MYO5B: variants seen among roughly 807,000 people sequenced by gnomAD.
MYO5B encodes the protein unconventional myosin-Vb.
MYO5B carries 143 observed loss-of-function variants against 229.3 expected under a neutral mutation model. The ratio of observed to expected loss-of-function variants is 0.62; its 90% confidence interval spans 0.54 to 0.72. The LOEUF is 0.72. Ranked by LOEUF, MYO5B falls within the 30% of genes least tolerant of loss-of-function variation. The pLI is 0.00. For synonymous variants in MYO5B, 918 were observed against 885.2 expected (o/e 1.04, Z -0.66); for missense variants, 2,321 against 2,331.0 (o/e 1.00, Z 0.09).
At position 50,125,131 on chromosome 18, in the gene MYO5B, C is replaced by T. The variant is rs147332204; in HGVS notation, c.27+69636G>A. Among the ~76,000 whole-genome samples, 15 of 152,220 alleles carry T rather than the reference C, an allele frequency of 9.9e-5. No homozygotes were observed. In the South Asian group the frequency reaches 2.1e-3, roughly 21 times the overall value. On this transcript the variant is annotated intron_variant, in intron 1 of 39. Coordinates refer to ENST00000285039, the MANE Select transcript of MYO5B (RefSeq NM_001080467.3). The stretch of plus-strand genomic sequence containing the variant: ...GCCATTTGAATGGTATTGAACAGAG[C>T]GCAAACCTACCTTTACAGCTTCTCT...
At chr18:50,114,088 T>G (rs529479246) in intron 1 of MYO5B, among the ~76,000 whole-genome samples, 2 of 152,320 alleles carry the variant, frequency 1.3e-5, no homozygotes, top group South Asian at 4.1e-4. Context: ...GTTAGATTAT[T>G]TCCTTTGGCT....
intron 16 of MYO5B, among the ~76,000 whole-genome samples, chr18:49,931,556 A>G (rs1347485678): frequency 6.6e-6 from 1 of 152,198 alleles, no homozygotes; most frequent in Non-Finnish European, 1.5e-5. Flanking sequence ...AGGGCCTTAC[A>G]GGACAGCAGG....
intron 2 of MYO5B, among the ~76,000 whole-genome samples, chr18:50,042,287 G>A (rs1019563010): frequency 6.6e-6 from 1 of 152,014 alleles, no homozygotes; most frequent in Non-Finnish European, 1.5e-5. Context: ...GCTACCTACA[G>A]CATTCTTCTG....
At chr18:49,849,725 C>T in intron 31 of MYO5B, 65 bp from the exon 32 acceptor site, 6 of 1,345,392 alleles carry the variant, frequency 4.5e-6, no homozygotes, top group Non-Finnish European at 6.4e-6. Context: ...GGGGTAAAAT[C>T]CTGCTTGCAG....
chr18:50,039,833 G>T (rs568579243), intron 3 of MYO5B, among the ~76,000 whole-genome samples: 17 of 152,188 alleles, frequency 1.1e-4, no homozygotes, highest in African/African-American at 3.4e-4. Flanking sequence ...CTGAGAGCAG[G>T]CGCCCAGCTC....
chr18:50,074,430 G>A (rs1442680880), intron 1 of MYO5B, among the ~76,000 whole-genome samples: 1 of 152,140 alleles, frequency 6.6e-6, no homozygotes, highest in African/African-American at 2.4e-5. Context: ...TCACTTCCCT[G>A]CTTAAAATCT....
intron 34 of MYO5B, 115 bp from the exon 35 acceptor site, chr18:49,841,569 G>C: frequency 4.1e-6 from 4 of 982,244 alleles, no homozygotes; most frequent in Non-Finnish European, 6.4e-6. Flanking sequence ...GAGCAGCCCT[G>C]AGGCTGGGCA....
At chr18:50,001,213 G>A (rs754274820) in intron 5 of MYO5B, 42 bp downstream of exon 5, 7 of 1,613,610 alleles carry the variant, frequency 4.3e-6, no homozygotes, top group Non-Finnish European at 5.9e-6. Context: ...GCCAGTGGGA[G>A]GAGCTCCAGC....
At chr18:50,100,787 C>T (rs917984390) in intron 1 of MYO5B, among the ~76,000 whole-genome samples, 2 of 152,180 alleles carry the variant, frequency 1.3e-5, no homozygotes, top group Admixed American at 6.5e-5. Context: ...CTTGTCTTTG[C>T]TTTGCAAGGA....
chr18:49,897,710 A>T (rs1219814284), intron 21 of MYO5B, among the ~76,000 whole-genome samples: 1 of 152,250 alleles, frequency 6.6e-6, no homozygotes, highest in Non-Finnish European at 1.5e-5. Context: ...TAAAGTAAAA[A>T]TATTACAGTA....
At chr18:49,833,927 G>A (rs751391544) in intron 39 of MYO5B, among the ~76,000 whole-genome samples, 2 of 152,068 alleles carry the variant, frequency 1.3e-5, no homozygotes, top group Admixed American at 6.5e-5. Flanking sequence ...CCCATTCTGC[G>A]GCCTGTGTCT....
intron 5 of MYO5B, 150 bp from the exon 6 acceptor site, chr18:49,992,581 T>C: frequency 2.5e-6 from 3 of 1,192,886 alleles, no homozygotes; most frequent in East Asian, 2.5e-5. Context: ...AGCTAAAGAA[T>C]AAAACAAAAA....
At chr18:50,017,732 T>A (rs939726661) in intron 4 of MYO5B, among the ~76,000 whole-genome samples, 1 of 152,206 alleles carries the variant, frequency 6.6e-6, no homozygotes, top group African/African-American at 2.4e-5. Context: ...TTTGAGCCCA[T>A]CAAAATCTAA....
intron 1 of MYO5B, among the ~76,000 whole-genome samples, chr18:50,109,361 C>A (rs1455129795): frequency 6.6e-6 from 1 of 151,962 alleles, no homozygotes; most frequent in Non-Finnish European, 1.5e-5. Flanking sequence ...TTCAGAGGTT[C>A]ACAAAACATG....
intron 4 of MYO5B, among the ~76,000 whole-genome samples, chr18:50,030,801 T>G (rs913033860): frequency 1.5e-5 from 2 of 133,488 alleles, no homozygotes; most frequent in African/African-American, 5.6e-5. Context: ...CAGAGACAGA[T>G]GGGAATGTGG....
chr18:49,839,439 C>T lies in MYO5B; in HGVS notation c.4702-145G>A, dbSNP rs2024030523. On this transcript the variant is annotated intron_variant, in intron 35 of 39. Coordinates refer to ENST00000285039, the MANE Select transcript of MYO5B (RefSeq NM_001080467.3). ...CTATGTAGATGATGTTTTACAAAAG[C>T]CTGTCAGTTCTTTGAGGCCTCATTG... The T allele has an allele frequency of 4.5e-6, 4 of 885,006 alleles. No individual in the cohort carries two copies. In the East Asian group the frequency reaches 7.5e-5, roughly 16 times the overall value. The allele number at this position is 885,006 out of a possible 1,614,324, so 54.8% of individuals were successfully genotyped here. A position where few individuals can be genotyped will look rare whatever the true frequency, so the allele number is the denominator to read the frequency against.
intron 10 of MYO5B, among the ~76,000 whole-genome samples, chr18:49,968,556 T>A (rs2025653383): frequency 6.6e-6 from 1 of 152,214 alleles, no homozygotes; most frequent in African/African-American, 2.4e-5. Context: ...TGTCTCCTGC[T>A]AAATCACGGA....
chr18:49,850,511 A>C (rs768811403), intron 31 of MYO5B: 1 of 152,220 alleles, frequency 6.6e-6, no homozygotes, highest in Non-Finnish European at 1.5e-5. Context: ...TAAAGAAGCA[A>C]ATCTTTAAAA....
rs75430539 is a variant in MYO5B, at chr18:50,159,006, C to G, written c.27+35761G>C. ...TGAGAGCAGGCTGCACAAAGCCCTGCAAATTCTACAGCTCCTTTCATGCAT... is the reference window on the plus strand; with the variant it reads ...TGAGAGCAGGCTGCACAAAGCCCTGGAAATTCTACAGCTCCTTTCATGCAT... On this transcript the variant is annotated intron_variant, in intron 1 of 39. Coordinates refer to ENST00000285039, the MANE Select transcript of MYO5B (RefSeq NM_001080467.3). Among the ~76,000 whole-genome samples the G allele has an allele frequency of 5.7e-3, 862 of 152,302 alleles. 3 individuals carry two copies. Among genetic ancestry groups the G allele is most frequent in the Non-Finnish European group, 9.3e-3 (636 of 68,030 alleles).
Sources: gnomAD v4.1 joint callset for allele counts (sites outside exome capture counted in the v4.1 genomes callset) on GRCh38, gnomAD v4.1.1 for gene constraint, MANE v1.5 for transcripts, NCBI Gene and HGNC (gene_info 2026-07-23, HGNC 2026-07-21) for gene names.